Variants in MRPS22 observed in about 807,000 individuals in gnomAD.
MRPS22 encodes the protein mitochondrial ribosomal protein S22.
A neutral mutation model predicts 44.0 loss-of-function variants in MRPS22; 30 were observed. The ratio of observed to expected loss-of-function variants is 0.68; its 90% confidence interval spans 0.51 to 0.93. MRPS22 has a LOEUF of 0.93. MRPS22 is among the 40% of genes least tolerant of loss of function. The pLI is 0.00. For synonymous variants in MRPS22, 165 were observed against 154.4 expected, an observed-to-expected ratio of 1.07 and a Z score of -0.51; for missense variants, 447 against 447.8, an observed-to-expected ratio of 1.00 and a Z score of 0.02.
chr3:139,354,058 GTACT>G (rs1480296621), intron 6 of MRPS22, among the ~76,000 whole-genome samples: 4 of 152,194 alleles, frequency 2.6e-5, no homozygotes, highest in African/African-American at 7.2e-5. Flanking sequence ...GGAAGTTTGA[GTACT>G]TACTTAGCTT....
rs1162560785 is a variant in MRPS22 at position 139,344,079 on chromosome 3, C to T, written c.53C>T (p.Pro18Leu). The T allele has an allele frequency of 6.2e-7, 1 of 1,614,060 alleles. No homozygotes were observed. Among genetic ancestry groups the T allele is most frequent in the East Asian group, 2.2e-5 (1 of 44,868 alleles). ...CTGTGGAGCCTCTTGAGGAGTTCTC[C>T]GGGCGTGGAACGGGTCTGTTTCCGG... is the stretch of plus-strand genomic sequence containing the variant. Reference protein sequence around the residue: ...VLLWSLLRSSPGVERVCFRAR... With the variant: ...VLLWSLLRSSLGVERVCFRAR... Residue 18 changes from proline (P) to leucine (L), a missense_variant, in exon 1 of 8, where the codon CCG becomes CTG. Transcript: ENST00000680020.
In MRPS22 at chr3:139,356,907, T is replaced by A. The variant is rs1361909681; in HGVS notation, c.988-12T>A. ...TCCTATTGTTTTAAAATTTTCTTTTTAATTTAAACAGGTCTTTGCAAAAAC... is the reference window on the plus strand; with the variant it reads ...TCCTATTGTTTTAAAATTTTCTTTTAAATTTAAACAGGTCTTTGCAAAAAC... On this transcript the variant is annotated splice_polypyrimidine_tract_variant and intron_variant, in intron 7 of 7. Coordinates refer to ENST00000680020, the MANE Select transcript of MRPS22 (RefSeq NM_020191.4). 6.3e-7 allele frequency: 1 copy of A among 1,598,868 alleles called. No individual in the cohort carries two copies. The highest frequency in any genetic ancestry group is 8.6e-7 in the Non-Finnish European group (1 of 1,167,282).
chr3:139,350,181 G>A lies in MRPS22; in HGVS notation c.507G>A (p.Glu169=), dbSNP rs1941118259. 6.2e-7 allele frequency: 1 copy of A among 1,613,950 alleles called. No individual in the cohort carries two copies. Among genetic ancestry groups the A allele is most frequent in the South Asian group, 1.1e-5 (1 of 91,078 alleles). ...TDISYSIPHR[E]RFIVVREPSG... ...TTGATTATGTTTTTCTATTTTAGGA[G>A]CGTTTTATTGTCGTCAGAGAACCAA... Residue 169 remains glutamate (E), a splice_region_variant and synonymous_variant, in exon 4 of 8, where the codon GAG becomes GAA. Coordinates refer to ENST00000680020, the MANE Select transcript of MRPS22 (RefSeq NM_020191.4).
intron 5 of MRPS22, 123 bp from the exon 6 acceptor site, chr3:139,352,524 G>A (rs925327814): frequency 2.5e-6 from 2 of 798,138 alleles, no homozygotes; most frequent in Non-Finnish European, 4.3e-6. Context: ...ATGATATGGA[G>A]GCAACTGTAA....
At chr3:139,350,770 A>G (rs1035181415) in intron 4 of MRPS22, 5 of 600,810 alleles carry the variant, frequency 8.3e-6, no homozygotes, top group Non-Finnish European at 1.5e-5. Flanking sequence ...CTTACCACCC[A>G]AGATGGGTTG....
chr3:139,348,988 G>A (rs1238354696), intron 3 of MRPS22: 8 of 217,224 alleles, frequency 3.7e-5, no homozygotes, highest in Non-Finnish European at 5.6e-5. Context: ...CACAGAATAC[G>A]TTAGAACACT....
intron 2 of MRPS22, 78 bp from the exon 3 acceptor site, chr3:139,348,082 T>G: frequency 6.9e-7 from 1 of 1,458,662 alleles, no homozygotes; most frequent in Non-Finnish European, 9.4e-7. Flanking sequence ...GCATTTTTTA[T>G]TAGTATGTGC....
intron 2 of MRPS22, 118 bp downstream of exon 2, chr3:139,347,162 C>T: frequency 8.5e-7 from 1 of 1,180,768 alleles, no homozygotes; most frequent in Non-Finnish European, 1.3e-6. Context: ...AAAGGTAATA[C>T]CAGGCATAGA....
chr3:139,348,160 G>T lies in MRPS22; in HGVS notation c.340G>T (p.Ala114Ser), dbSNP rs186564091. The T allele has an allele frequency of 2.5e-6, 4 of 1,613,896 alleles. No homozygotes were observed. The highest frequency in any genetic ancestry group is 3.4e-6 in the Non-Finnish European group (4 of 1,179,946). ...CTTAATAAATATTTTCTTTCATTAGGCTACAAGACAGGCAGTTGAGGCAGC... is the reference window on the plus strand; with the variant it reads ...CTTAATAAATATTTTCTTTCATTAGTCTACAAGACAGGCAGTTGAGGCAGC... Reference protein sequence around the residue: ...KLMTQAQLEEATRQAVEAAKV... With the variant: ...KLMTQAQLEESTRQAVEAAKV... Residue 114 changes from alanine (A) to serine (S), a missense_variant and splice_region_variant, in exon 3 of 8, where the codon GCT becomes TCT. Transcript: ENST00000680020.
chr3:139,344,991 A>G (rs1177177441), intron 1 of MRPS22, among the ~76,000 whole-genome samples: 3 of 152,194 alleles, frequency 2.0e-5, no homozygotes, highest in Admixed American at 1.3e-4. Flanking sequence ...GGAGTTAAAT[A>G]TAAAGTGAGG....
Position 139,349,927 on chromosome 3 carries a change from G to A in MRPS22, c.505-252G>A, listed in dbSNP as rs573339720. ...TCAGCTTTTTTCGTATCGAACTCAC[G>A]TTAGCACCATAGTTGGTACTTACTG... On this transcript the variant is annotated intron_variant, in intron 3 of 7. Transcript: ENST00000680020. 5.3e-5 allele frequency among the ~76,000 whole-genome samples: 8 copies of A among 152,262 alleles called. No individual in the cohort carries two copies. In the East Asian group the frequency reaches 1.5e-3, roughly 29 times the overall value.
chr3:139,348,425 C>T, intron 3 of MRPS22, 101 bp downstream of exon 3: 1 of 1,201,000 alleles, frequency 8.3e-7, no homozygotes, highest in Non-Finnish European at 1.2e-6. Flanking sequence ...GCGTCCAAAC[C>T]AGATTTCCTC....
chr3:139,353,003 G>GT (rs1553775334), intron 6 of MRPS22, among the ~76,000 whole-genome samples: 1 of 152,142 alleles, frequency 6.6e-6, no homozygotes, highest in Non-Finnish European at 1.5e-5. Flanking sequence ...TCTTGAAAGA[G>GT]TAAGTGGCTT....
Position 139,344,052 on chromosome 3 carries a change from T to C in MRPS22, c.26T>C (p.Leu9Ser). 6.2e-7 allele frequency: 1 copy of C among 1,614,168 alleles called. No individual in the cohort carries two copies. The highest frequency in any genetic ancestry group is 8.5e-7 in the Non-Finnish European group (1 of 1,180,026). Reference sequence around the variant, plus strand: ...ATGGCGCCCCTCGGAACAACTGTATTGCTGTGGAGCCTCTTGAGGAGTTCT... The same window carrying C: ...ATGGCGCCCCTCGGAACAACTGTATCGCTGTGGAGCCTCTTGAGGAGTTCT... MAPLGTTV[L>S]LWSLLRSSPG... Residue 9 changes from leucine (L) to serine (S), a missense_variant, in exon 1 of 8, where the codon TTG becomes TCG. Leu to Ser is a moderately radical substitution (Grantham distance 145, BLOSUM62 -2). Transcript: ENST00000680020.
chr3:139,356,928 A>AAAAC lies in MRPS22; in HGVS notation c.999_1002dup (p.Glu335AsnfsTer32), dbSNP rs774441615. On this transcript the variant is annotated frameshift_variant, in exon 8 of 8. Transcript: ENST00000680020. LOFTEE classifies it high-confidence loss of function. ...TTTTTAATTTAAACAGGTCTTTGCAAAAACAGAAGCACAGAAGGGAGCCTA... is the reference window on the plus strand; with the variant it reads ...TTTTTAATTTAAACAGGTCTTTGCAAAAACAAACAGAAGCACAGAAGGGAGCCTA... 2.5e-6 allele frequency: 4 copies of AAAAC among 1,612,454 alleles called. No homozygotes were observed. In the African/African-American group the frequency reaches 4.0e-5, roughly 16 times the overall value.
chr3:139,352,209 C>T (rs1217680448), intron 5 of MRPS22: 1 of 182,036 alleles, frequency 5.5e-6, no homozygotes, highest in Admixed American at 5.4e-5. Context: ...TGGTATTTTG[C>T]TTCAGGCTGC....
intron 1 of MRPS22, chr3:139,344,686 CTG>C (rs878935231): frequency 2.9e-6 from 2 of 701,210 alleles, no homozygotes; most frequent in South Asian, 3.0e-5. Flanking sequence ...AGAAATGAGA[CTG>C]AGCACAGATA....
At chr3:139,344,475 G>GT (rs1226440005) in intron 1 of MRPS22, 1 of 611,684 alleles carries the variant, frequency 1.6e-6, no homozygotes, top group Non-Finnish European at 2.9e-6. Flanking sequence ...ACATTTCCCT[G>GT]TGGGAACTCA....
chr3:139,356,011 G>T (rs1396979523), intron 7 of MRPS22, among the ~76,000 whole-genome samples: 1 of 152,200 alleles, frequency 6.6e-6, no homozygotes, highest in Admixed American at 6.5e-5. Flanking sequence ...GAGTGATGTG[G>T]TGCTAGCAGC....
Sources: allele counts gnomAD v4.1 joint callset (sites outside exome capture counted in the v4.1 genomes callset), GRCh38; gene constraint gnomAD v4.1.1; transcripts MANE v1.5; gene names NCBI Gene and HGNC (gene_info 2026-07-23, HGNC 2026-07-21).